EPHA3: variants seen among roughly 807,000 people sequenced by gnomAD.
EPHA3 encodes EPH receptor A3.
EPHA3 carries 42 observed loss-of-function variants against 107.1 expected under a neutral mutation model. The observed-to-expected ratio is 0.39, with a 90% CI of 0.31 to 0.51. The LOEUF (loss-of-function observed/expected upper bound fraction) is 0.51, where lower values mean the gene tolerates loss of function less well. Among genes scored for constraint, EPHA3 ranks in the 20% least tolerant of loss-of-function variants. The pLI, the probability that EPHA3 is intolerant of heterozygous loss-of-function variation, is 0.78. For synonymous variants in EPHA3, 461 were observed against 424.8 expected, an observed-to-expected ratio of 1.09 and a Z score of -1.05; for missense variants, 1,183 against 1,211.2, an observed-to-expected ratio of 0.98 and a Z score of 0.35.
chr3:89,389,051 T>C (rs1708676129), intron 5 of EPHA3, among the ~76,000 whole-genome samples: 1 of 152,178 alleles, frequency 6.6e-6, no homozygotes, highest in Non-Finnish European at 1.5e-5. Flanking sequence ...AAAGTTGAGC[T>C]GATTGGCAAG....
intron 2 of EPHA3, among the ~76,000 whole-genome samples, chr3:89,207,178 G>T (rs1044873742): frequency 3.3e-5 from 5 of 152,028 alleles, no homozygotes; most frequent in Admixed American, 2.6e-4. Context: ...TTCCCCTAAT[G>T]AGGCTTAAAG....
intron 2 of EPHA3, among the ~76,000 whole-genome samples, chr3:89,150,804 A>G (rs184737171): frequency 6.6e-6 from 1 of 152,158 alleles, no homozygotes; most frequent in East Asian, 1.9e-4. Context: ...CATTTTTAGT[A>G]TAGAATTTAC....
At chr3:89,320,304 C>T (rs1287524735) in intron 3 of EPHA3, among the ~76,000 whole-genome samples, 1 of 151,984 alleles carries the variant, frequency 6.6e-6, no homozygotes, top group Non-Finnish European at 1.5e-5. Context: ...CAGTGGCCTC[C>T]AGCTGGGTCA....
At chr3:89,185,394 G>A (rs545309872) in intron 2 of EPHA3, among the ~76,000 whole-genome samples, 1 of 152,112 alleles carries the variant, frequency 6.6e-6, no homozygotes, top group Non-Finnish European at 1.5e-5. Context: ...TACTTATGTA[G>A]AAAGGAAATT....
intron 3 of EPHA3, among the ~76,000 whole-genome samples, chr3:89,235,075 C>CT (rs1459222918): frequency 1.9e-5 from 2 of 103,766 alleles, no homozygotes; most frequent in African/African-American, 3.7e-5. Context: ...CTTTATTTCT[C>CT]TTTTTTGTCT....
intron 3 of EPHA3, among the ~76,000 whole-genome samples, chr3:89,212,514 A>G (rs1252716672): frequency 6.6e-6 from 1 of 152,026 alleles, no homozygotes; most frequent in Non-Finnish European, 1.5e-5. Flanking sequence ...AGATCCCAGC[A>G]TAACTCTTCT....
At chr3:89,292,280 T>G (rs1184164936) in intron 3 of EPHA3, among the ~76,000 whole-genome samples, 1 of 152,124 alleles carries the variant, frequency 6.6e-6, no homozygotes, top group Non-Finnish European at 1.5e-5. Context: ...AACACAAATT[T>G]TAATATACAG....
At chr3:89,181,751 C>CTT (rs975422494) in intron 2 of EPHA3, among the ~76,000 whole-genome samples, 38 of 152,042 alleles carry the variant, frequency 2.5e-4, no homozygotes, top group African/African-American at 9.2e-4. Flanking sequence ...ATTGTGGCAG[C>CTT]AGATCGTTAA....
chr3:89,118,782 C>T (rs1469831408), intron 1 of EPHA3, among the ~76,000 whole-genome samples: 1 of 151,650 alleles, frequency 6.6e-6, no homozygotes, highest in African/African-American at 2.4e-5. Flanking sequence ...AAAATATCTG[C>T]TAGGGAGTGG....
intron 3 of EPHA3, among the ~76,000 whole-genome samples, chr3:89,223,577 C>T (rs1281956720): frequency 1.3e-5 from 2 of 152,096 alleles, no homozygotes; most frequent in African/African-American, 4.8e-5. Flanking sequence ...TAGTAATAAA[C>T]CTGAGATTTA....
At chr3:89,135,305 C>T (rs1028446202) in intron 2 of EPHA3, among the ~76,000 whole-genome samples, 1 of 152,128 alleles carries the variant, frequency 6.6e-6, no homozygotes, top group Non-Finnish European at 1.5e-5. Flanking sequence ...TGTATATCCA[C>T]AGCTTACAAT....
chr3:89,197,874 G>C (rs1486905125), intron 2 of EPHA3, among the ~76,000 whole-genome samples: 1 of 152,118 alleles, frequency 6.6e-6, no homozygotes. Context: ...TACTGGGGAG[G>C]CTGAGGGGGG....
At chr3:89,475,612 A>G (rs1249730911) in intron 16 of EPHA3, among the ~76,000 whole-genome samples, 2 of 152,234 alleles carry the variant, frequency 1.3e-5, no homozygotes, top group East Asian at 3.8e-4. Context: ...AAAGTGAGAA[A>G]GGAAGAGAGA....
chr3:89,421,239 C>G (rs964614598), intron 11 of EPHA3, among the ~76,000 whole-genome samples: 6 of 150,876 alleles, frequency 4.0e-5, no homozygotes, highest in African/African-American at 9.7e-5. Flanking sequence ...AGGGCAAAAA[C>G]CCATGTTATT....
At chr3:89,239,308 A>C (rs1339897045) in intron 3 of EPHA3, among the ~76,000 whole-genome samples, 4 of 152,198 alleles carry the variant, frequency 2.6e-5, no homozygotes, top group Non-Finnish European at 5.9e-5. Context: ...CAACACAGGA[A>C]TATTTCACCA....
chr3:89,392,063 C>A (rs974711756), intron 5 of EPHA3, among the ~76,000 whole-genome samples: 2 of 152,156 alleles, frequency 1.3e-5, no homozygotes, highest in Non-Finnish European at 2.9e-5. Flanking sequence ...AGTTTCTCAG[C>A]ATCCTATTCT....
At chr3:89,407,812 T>A (rs542787563) in intron 8 of EPHA3, among the ~76,000 whole-genome samples, 11 of 152,224 alleles carry the variant, frequency 7.2e-5, no homozygotes, top group African/African-American at 2.2e-4. Flanking sequence ...TCTAAAGCCA[T>A]TATAAAAACT....
At chr3:89,352,214 CA>C (rs1707841863) in intron 5 of EPHA3, among the ~76,000 whole-genome samples, 1 of 151,318 alleles carries the variant, frequency 6.6e-6, no homozygotes. Flanking sequence ...ATTTGATGAT[CA>C]AAGACAACCT....
intron 13 of EPHA3, among the ~76,000 whole-genome samples, chr3:89,442,352 C>A (rs1230294076): frequency 6.6e-6 from 1 of 152,050 alleles, no homozygotes; most frequent in African/African-American, 2.4e-5. Context: ...TTCACTTAGT[C>A]AATATAAAAT....
Sources: gnomAD v4.1 joint callset for allele counts (sites outside exome capture counted in the v4.1 genomes callset) on GRCh38, gnomAD v4.1.1 for gene constraint, MANE v1.5 for transcripts, NCBI Gene and HGNC (gene_info 2026-07-23, HGNC 2026-07-21) for gene names.